ASPM: variants seen among roughly 807,000 people sequenced by gnomAD.
ASPM encodes abnormal spindle-like microcephaly-associated protein.
In ASPM, 256 loss-of-function variants were observed where a neutral mutation model predicts 366.4. The observed-to-expected ratio is 0.70, with a 90% confidence interval of 0.63 to 0.77. ASPM has a LOEUF of 0.77. Ranked by LOEUF, ASPM falls within the 30% of genes least tolerant of loss-of-function variation. The pLI is 0.00. For synonymous variants in ASPM, 1,414 were observed against 1,342.9 expected (o/e 1.05, Z -1.16); for missense variants, 4,146 against 4,090.4 (o/e 1.01, Z -0.37).
rs1367774820 is a variant in ASPM at position 197,101,117 on chromosome 1, T to C, written c.8134A>G (p.Lys2712Glu). The change falls in exon 18 of 28, where the codon AAA (lysine) becomes GAA (glutamate). Residue 2712 changes from lysine to glutamate, a missense_variant. Lys to Glu is a moderately conservative substitution (Grantham distance 56). Around this residue, in one of 3 missense-constraint regions of ASPM, gnomAD observed 3,624 missense variants for 3,591.7 expected, o/e 1.01. Transcript: ENST00000367409. ...HRAKVDYETK[K>E]TAIVVIQNYY... ...TTCTGTATAACCACAATTGCAGTTT[T>C]CTTTGTTTCATAATCAACTTTGGCC... 1.9e-6 allele frequency: 3 copies of C among 1,611,992 alleles called. No individual in the cohort carries two copies. Among genetic ancestry groups the C allele is most frequent in the Non-Finnish European group, 2.5e-6 (3 of 1,178,936 alleles).
chr1:197,104,130 A>T lies in ASPM; in HGVS notation c.5121T>A (p.Phe1707Leu), dbSNP rs1481096525. Residue 1707 changes from phenylalanine (F) to leucine (L), a missense_variant, in exon 18 of 28, where the codon TTT becomes TTA. Transcript: ENST00000367409. The stretch of plus-strand genomic sequence containing the variant: ...TTTTGGAACGGTAACATTGCTGGAT[A>T]AATAGTGCAGCTGCTCTTAAATGCA... ...QYLHLRAAAL[F>L]IQQCYRSKKI... The T allele has an allele frequency of 6.2e-7, 1 of 1,612,880 alleles. No homozygotes were observed. The highest frequency in any genetic ancestry group is 2.2e-5 in the East Asian group (1 of 44,818).
Position 197,143,766 on chromosome 1 carries a change from A to T in ASPM, c.486T>A (p.Ser162=). The change falls in exon 3 of 28, where the codon TCT becomes TCA. Residue 162 remains serine (S), a synonymous_variant. Transcript: ENST00000367409. ...TTGAAACCCTTCTGTTGTGACTTGT[A>T]GAGGCTGAAATTTTCTTCTTTTTAA... ...DTIKKKKISA[S]TSHNRRVSNI... 6.2e-7 allele frequency: 1 copy of T among 1,612,462 alleles called. No homozygotes were observed.
At chr1:197,091,589 A>T (rs763784387) in intron 22 of ASPM, among the ~76,000 whole-genome samples, 1 of 152,006 alleles carries the variant, frequency 6.6e-6, no homozygotes, top group Non-Finnish European at 1.5e-5. Context: ...GCTATTTCCC[A>T]TTCATTAGAA....
Position 197,102,256 on chromosome 1 carries a change from C to A in ASPM, c.6995G>T (p.Arg2332Leu). The A allele has an allele frequency of 1.2e-6, 2 of 1,612,772 alleles. No homozygotes were observed. Among genetic ancestry groups the A allele is most frequent in the Non-Finnish European group, 8.5e-7 (1 of 1,179,286 alleles). ...YRRWMIRKRM[R>L]EMHRAATFIQ... is the part of the protein sequence containing the mutation. ...GAAAGTAGCAGCCCTGTGCATCTCT[C>A]GCATCCTTTTCCTTATCATCCATCT... The change falls in exon 18 of 28, where the codon CGA becomes CTA. Residue 2332 changes from arginine to leucine, a missense_variant. Physicochemically the swap from Arg to Leu is moderately radical, Grantham distance 102. Transcript: ENST00000367409.
At position 197,104,136 on chromosome 1, in the gene ASPM, T is replaced by C. The variant is rs1295474219; in HGVS notation, c.5115A>G (p.Ala1705=). ...RKQYLHLRAA[A]LFIQQCYRSK... is the part of the protein sequence containing the mutation. Reference sequence around the variant, plus strand: ...AACGGTAACATTGCTGGATAAATAGTGCAGCTGCTCTTAAATGCAAATATT... The same window carrying C: ...AACGGTAACATTGCTGGATAAATAGCGCAGCTGCTCTTAAATGCAAATATT... The change falls in exon 18 of 28, where the codon GCA becomes GCG. Residue 1705 remains alanine, a synonymous_variant. Coordinates refer to ENST00000367409, the MANE Select transcript of ASPM (RefSeq NM_018136.5). 6.2e-7 allele frequency: 1 copy of C among 1,612,942 alleles called. No individual in the cohort carries two copies. The highest frequency in any genetic ancestry group is 1.7e-5 in the Admixed American group (1 of 59,810).
At chr1:197,084,548 C>A in intron 27 of ASPM, 122 bp from the exon 28 acceptor site, 1 of 693,170 alleles carries the variant, frequency 1.4e-6, no homozygotes. Context: ...TTACAAACTG[C>A]TCAAAGAGGT....
intron 20 of ASPM, 127 bp downstream of exon 20, chr1:197,093,957 C>T (rs1656879034): frequency 1.6e-6 from 1 of 619,084 alleles, no homozygotes; most frequent in Non-Finnish European, 2.9e-6. Flanking sequence ...TAAATGCATA[C>T]TTAGGTCTTA....
chr1:197,090,066 G>A lies in ASPM; in HGVS notation c.9848C>T (p.Ser3283Phe), dbSNP rs887239211. 2 of 1,613,112 alleles carry A rather than the reference G, an allele frequency of 1.2e-6. No individual in the cohort carries two copies. Among genetic ancestry groups the A allele is most frequent in the African/African-American group, 1.3e-5 (1 of 74,896 alleles). Residue 3283 changes from serine (S) to phenylalanine (F), a missense_variant, in exon 25 of 28, where the codon TCT becomes TTT. Around this residue, in one of 3 missense-constraint regions of ASPM, gnomAD observed 3,624 missense variants for 3,591.7 expected, o/e 1.01. Transcript: ENST00000367409. Reference sequence around the variant, plus strand: ...GGCCATGTTCTCACAACAAAGTGGAGACAATCTAGTAACTACCTCTGAAAG... The same window carrying A: ...GGCCATGTTCTCACAACAAAGTGGAAACAATCTAGTAACTACCTCTGAAAG... ...LKHLEVVTRL[S>F]PLCCENMAQS...
At chr1:197,136,822 A>G (rs1362769940) in intron 4 of ASPM, among the ~76,000 whole-genome samples, 1 of 152,186 alleles carries the variant, frequency 6.6e-6, no homozygotes, top group Non-Finnish European at 1.5e-5. Context: ...AGAGACAAAT[A>G]TTTACTTATA....
At chr1:197,108,535 T>C (rs550553226) in intron 17 of ASPM, among the ~76,000 whole-genome samples, 1 of 152,050 alleles carries the variant, frequency 6.6e-6, no homozygotes, top group African/African-American at 2.4e-5. Flanking sequence ...CACTACAGAC[T>C]ACCCAGGCAT....
rs771442227 is a variant in ASPM, at chr1:197,124,268, T to A, written c.3232A>T (p.Ser1078Cys). ...AGTAGAGATATTGTTTTCTTTATAC[T>A]CTTTGTGTGTTTTAGAAAGGCAATT... Reference protein sequence around the residue: ...EEIAFLKHTKSIKKTISLLSC... With the variant: ...EEIAFLKHTKCIKKTISLLSC... The change falls in exon 13 of 28, where the codon AGT becomes TGT. Residue 1078 changes from serine to cysteine, a missense_variant. Physicochemically the swap from Ser to Cys is moderately radical, Grantham distance 112. This residue lies in a region of ASPM where 3,624 missense variants were observed against 3,591.7 expected (regional missense o/e 1.01). Transcript: ENST00000367409. The A allele has an allele frequency of 1.2e-5, 20 of 1,607,850 alleles. No individual in the cohort carries two copies. The South Asian group carries it at 2.2e-4, about 18-fold the overall frequency.
In ASPM at chr1:197,143,431, T is replaced by A. The variant is rs1163046962; in HGVS notation, c.821A>T (p.Lys274Ile). ...ANVSKVSFNE[K>I]AVTETSFNSV... is the part of the protein sequence containing the mutation. ...ATTAAAGGAAGTTTCAGTTACAGCT[T>A]TCTCATTAAAAGAAACTTTTGAAAC... is the stretch of plus-strand genomic sequence containing the variant. Residue 274 changes from lysine (K) to isoleucine (I), a missense_variant, in exon 3 of 28, where the codon AAA becomes ATA. Coordinates refer to ENST00000367409, the MANE Select transcript of ASPM (RefSeq NM_018136.5). 1 of 1,614,034 alleles carries A rather than the reference T, an allele frequency of 6.2e-7. No individual in the cohort carries two copies. The highest frequency in any genetic ancestry group is 2.2e-5 in the East Asian group (1 of 44,872).
At chr1:197,106,665 T>C (rs1349051889) in intron 17 of ASPM, among the ~76,000 whole-genome samples, 1 of 152,116 alleles carries the variant, frequency 6.6e-6, no homozygotes, top group Non-Finnish European at 1.5e-5. Context: ...CTTATTACAA[T>C]AGCAATTTTT....
chr1:197,125,745 T>C (rs1363154566), intron 10 of ASPM, among the ~76,000 whole-genome samples: 1 of 151,934 alleles, frequency 6.6e-6, no homozygotes, highest in African/African-American at 2.4e-5. Context: ...CCTATATATA[T>C]ATAAAAATAT....
intron 22 of ASPM, among the ~76,000 whole-genome samples, chr1:197,091,385 T>A (rs1287344073): frequency 1.3e-5 from 2 of 151,980 alleles, no homozygotes. Context: ...TATAAACAAA[T>A]AGAATTCTTC....
In ASPM at chr1:197,115,922, A is replaced by G. The variant is rs1356599798; in HGVS notation, c.4065+1867T>C. ...GCTTCAACTTAAAGTCACCAGTTGC[A>G]TTAGCCCCTAATAAGAGAGTAAAAC... On this transcript the variant is annotated intron_variant, in intron 17 of 27. Transcript: ENST00000367409. Among the ~76,000 whole-genome samples the G allele has an allele frequency of 3.3e-5, 5 of 152,224 alleles. No homozygotes were observed. The East Asian group carries it at 9.6e-4, about 29-fold the overall frequency.
intron 7 of ASPM, among the ~76,000 whole-genome samples, chr1:197,130,573 T>C (rs1658226466): frequency 6.6e-6 from 1 of 152,182 alleles, no homozygotes; most frequent in Admixed American, 6.5e-5. Flanking sequence ...TTAAAGCAAT[T>C]AGGAAAAACT....
intron 7 of ASPM, among the ~76,000 whole-genome samples, chr1:197,131,480 G>A (rs1273274285): frequency 6.6e-6 from 1 of 151,830 alleles, no homozygotes. Context: ...AAATCCTGAT[G>A]ACATTTTTAT....
intron 17 of ASPM, among the ~76,000 whole-genome samples, chr1:197,115,224 G>C (rs925147910): frequency 2.0e-5 from 3 of 152,268 alleles, no homozygotes; most frequent in South Asian, 4.2e-4. Flanking sequence ...TTGCTTATCT[G>C]TAAGAAGCAC....
Sources: gnomAD v4.1 joint callset for allele counts (sites outside exome capture counted in the v4.1 genomes callset) on GRCh38, gnomAD v4.1.1 for gene constraint, gnomAD v4.1.1 regional missense constraint, MANE v1.5 for transcripts, NCBI Gene and HGNC (gene_info 2026-07-23, HGNC 2026-07-21) for gene names.